Variants in ANGPT1 observed in about 807,000 individuals in gnomAD.
ANGPT1 encodes the protein angiopoietin 1.
Under a neutral mutation model 62.2 loss-of-function variants are expected in ANGPT1, and 17 were observed. That is an observed-to-expected ratio of 0.27 (90% CI 0.19 to 0.41). ANGPT1 has a LOEUF of 0.41. ANGPT1 is among the 10% of genes least tolerant of loss of function. The pLI is 1.00. For missense variants in ANGPT1, 478 were observed against 594.9 expected, an observed-to-expected ratio of 0.80 and a Z score of 2.04; for synonymous variants, 199 against 198.9, an observed-to-expected ratio of 1.00 and a Z score of 0.00.
At position 107,497,579 on chromosome 8, in the gene ANGPT1, TC is replaced by T. The variant is rs763310889; in HGVS notation, c.-22del. 2.9e-5 allele frequency: 46 copies of T among 1,601,404 alleles called. 1 individual carries two copies. In the South Asian group the frequency reaches 4.9e-4, roughly 17 times the overall value. On this transcript the variant is annotated 5_prime_UTR_variant, in exon 1 of 9. Coordinates refer to ENST00000517746, the MANE Select transcript of ANGPT1 (RefSeq NM_001146.5). ...GTCATTGTACTGCCAGCACACTCCT[TC>T]CGTGCCTCTCGCAAAACTTGCTCCT...
chr8:107,462,314 A>G (rs1417041074), intron 1 of ANGPT1, among the ~76,000 whole-genome samples: 2 of 152,018 alleles, frequency 1.3e-5, no homozygotes, highest in Non-Finnish European at 2.9e-5. Context: ...CTTAAGCAGT[A>G]CAGATTGTGT....
At chr8:107,296,239 G>A (rs1814412819) in intron 5 of ANGPT1, among the ~76,000 whole-genome samples, 1 of 152,208 alleles carries the variant, frequency 6.6e-6, no homozygotes, top group East Asian at 1.9e-4. Context: ...GAGAAGGACA[G>A]AATACATCAG....
chr8:107,374,057 AT>A (rs1184012619), intron 1 of ANGPT1, among the ~76,000 whole-genome samples: 9 of 152,180 alleles, frequency 5.9e-5, no homozygotes. Flanking sequence ...CTTAATTCCC[AT>A]TTAAGAGAGT....
intron 6 of ANGPT1, among the ~76,000 whole-genome samples, chr8:107,288,325 ATC>A (rs1039451476): frequency 2.0e-5 from 3 of 152,176 alleles, no homozygotes; most frequent in Non-Finnish European, 4.4e-5. Flanking sequence ...GTACTTAAGT[ATC>A]TGTTTCCTTC....
chr8:107,339,955 G>C (rs1293707670), intron 2 of ANGPT1, among the ~76,000 whole-genome samples: 1 of 152,172 alleles, frequency 6.6e-6, no homozygotes, highest in East Asian at 1.9e-4. Context: ...GGGCAGTTTA[G>C]AGCACAAATG....
intron 5 of ANGPT1, 106 bp from the exon 6 acceptor site, chr8:107,294,143 A>G: frequency 1.4e-6 from 1 of 730,026 alleles, no homozygotes; most frequent in Non-Finnish European, 2.2e-6. Flanking sequence ...GCAGATTACA[A>G]AAACCGAAAT....
chr8:107,358,672 G>A (rs192379649), intron 1 of ANGPT1, among the ~76,000 whole-genome samples: 1 of 152,324 alleles, frequency 6.6e-6, no homozygotes, highest in East Asian at 1.9e-4. Flanking sequence ...GGCAGCTGTA[G>A]ATCACCTCCC....
intron 7 of ANGPT1, among the ~76,000 whole-genome samples, chr8:107,279,475 C>G (rs4354281): frequency 0.14 from 21,102 of 152,080 alleles, 1,709 homozygotes; most frequent in East Asian, 0.35. Flanking sequence ...TGATGAACTT[C>G]TTTATTTGAG....
chr8:107,336,058 C>G (rs930585936), intron 3 of ANGPT1, 92 bp downstream of exon 3: 218 of 1,249,468 alleles, frequency 1.7e-4, no homozygotes, highest in Non-Finnish European at 1.6e-4. Context: ...TTTTGTAAAC[C>G]ACCTCAACCT....
In ANGPT1 at chr8:107,316,146, T is replaced by G. The variant is rs140597599; in HGVS notation, c.808+5750A>C. ...TAGACTTCTAGGAAGTCATTATTTC[T>G]TGCTGATTCTAATTTTTCTATTTTT... is the stretch of plus-strand genomic sequence containing the variant. On this transcript the variant is annotated intron_variant, in intron 4 of 8. Coordinates refer to ENST00000517746, the MANE Select transcript of ANGPT1 (RefSeq NM_001146.5). Among the ~76,000 whole-genome samples, 167 of 152,316 alleles carry G rather than the reference T, an allele frequency of 1.1e-3. 1 individual carries two copies. The highest frequency in any genetic ancestry group is 3.8e-3 in the African/African-American group (157 of 41,582).
At chr8:107,446,549 T>TACC (rs1811626636) in intron 1 of ANGPT1, among the ~76,000 whole-genome samples, 1 of 152,206 alleles carries the variant, frequency 6.6e-6, no homozygotes, top group Non-Finnish European at 1.5e-5. Context: ...AAGAGGATTT[T>TACC]ACTAGATAAA....
intron 8 of ANGPT1, among the ~76,000 whole-genome samples, chr8:107,262,559 G>A (rs1322089408): frequency 6.6e-6 from 1 of 152,168 alleles, no homozygotes; most frequent in Non-Finnish European, 1.5e-5. Context: ...TACAACATGT[G>A]CAGAAACACG....
Position 107,347,000 on chromosome 8 carries a change from G to T in ANGPT1, c.395C>A (p.Thr132Asn), listed in dbSNP as rs771561137. The T allele has an allele frequency of 7.4e-6, 12 of 1,613,908 alleles. No homozygotes were observed. The highest frequency in any genetic ancestry group is 9.3e-6 in the Non-Finnish European group (11 of 1,179,898). Residue 132 changes from threonine to asparagine, a missense_variant, in exon 2 of 9, where the codon ACC (threonine) becomes AAC (asparagine). Transcript: ENST00000517746. ...NHTATMLEIGTSLLSQTAEQT... is the reference protein window; with the variant it reads ...NHTATMLEIGNSLLSQTAEQT... The stretch of plus-strand genomic sequence containing the variant: ...CTCTGCAGTCTGAGAGAGGAGGCTG[G>T]TTCCTATCTCCAGCATGGTAGCCGT...
At chr8:107,448,871 T>C (rs1336754922) in intron 1 of ANGPT1, among the ~76,000 whole-genome samples, 2 of 151,922 alleles carry the variant, frequency 1.3e-5, no homozygotes, top group African/African-American at 4.8e-5. Context: ...ATGCAAAGAG[T>C]TAATTTTGCC....
chr8:107,427,746 AG>A (rs1207032064), intron 1 of ANGPT1, among the ~76,000 whole-genome samples: 2 of 152,228 alleles, frequency 1.3e-5, no homozygotes, highest in African/African-American at 4.8e-5. Flanking sequence ...TATAGTCCCC[AG>A]GTAAGACCTG....
At chr8:107,424,456 C>T (rs1810983863) in intron 1 of ANGPT1, among the ~76,000 whole-genome samples, 1 of 152,294 alleles carries the variant, frequency 6.6e-6, no homozygotes, top group South Asian at 2.1e-4. Flanking sequence ...AAATTGATAA[C>T]TCCACTGTTC....
intron 1 of ANGPT1, among the ~76,000 whole-genome samples, chr8:107,474,448 G>A (rs1216068923): frequency 2.6e-5 from 4 of 152,036 alleles, no homozygotes; most frequent in African/African-American, 9.7e-5. Context: ...AATAACAAGA[G>A]CTATTTATGA....
chr8:107,357,290 G>A (rs764070476), intron 1 of ANGPT1, among the ~76,000 whole-genome samples: 2 of 152,204 alleles, frequency 1.3e-5, no homozygotes, highest in Non-Finnish European at 2.9e-5. Flanking sequence ...AAGAATGGAA[G>A]AATTAAAAAG....
chr8:107,385,845 G>A (rs536447639), intron 1 of ANGPT1, among the ~76,000 whole-genome samples: 209 of 152,190 alleles, frequency 1.4e-3, no homozygotes, highest in Non-Finnish European at 2.6e-3. Flanking sequence ...ATGAAGCCAT[G>A]TTGTATTGTA....
Sources: gnomAD v4.1 joint callset for allele counts (sites outside exome capture counted in the v4.1 genomes callset) on GRCh38, gnomAD v4.1.1 for gene constraint, MANE v1.5 for transcripts, NCBI Gene and HGNC (gene_info 2026-07-23, HGNC 2026-07-21) for gene names.